The following GPHN variants were observed in gnomAD, a reference collection of about 807,000 sequenced individuals.
GPHN encodes the protein gephyrin.
Under a neutral mutation model 95.5 loss-of-function variants are expected in GPHN, and 17 were observed. The ratio of observed to expected loss-of-function variants is 0.18; its 90% confidence interval spans 0.12 to 0.27. The LOEUF is 0.27. GPHN is among the 10% of genes least tolerant of loss of function. GPHN has a pLI of 1.00. For missense variants in GPHN, 660 were observed against 978.1 expected (o/e 0.67, Z 4.34); for synonymous variants, 320 against 322.5 (o/e 0.99, Z 0.08).
intron 1 of GPHN, among the ~76,000 whole-genome samples, chr14:66,590,886 A>G (rs928421554): frequency 2.0e-5 from 3 of 152,216 alleles, no homozygotes; most frequent in African/African-American, 7.2e-5. Context: ...CCTGATATGA[A>G]CATCAATGCA....
At chr14:66,814,212 T>C (rs946306775) in intron 3 of GPHN, among the ~76,000 whole-genome samples, 3 of 151,926 alleles carry the variant, frequency 2.0e-5, no homozygotes, top group South Asian at 4.2e-4. Flanking sequence ...CAGCAGATCA[T>C]CCCACACCCT....
the GPHN span, among the ~76,000 whole-genome samples, chr14:67,583,126 TAA>T: frequency 6.6e-6 from 1 of 152,122 alleles, no homozygotes; most frequent in Non-Finnish European, 1.5e-5. Flanking sequence ...TAAAAATTTT[TAA>T]AAAAGAATAA....
At chr14:66,848,686 G>C (rs2062442767) in intron 4 of GPHN, among the ~76,000 whole-genome samples, 1 of 151,940 alleles carries the variant, frequency 6.6e-6, no homozygotes, top group Non-Finnish European at 1.5e-5. Flanking sequence ...GGTCATTTAG[G>C]AGAAGGAAAA....
Position 66,946,594 on chromosome 14 carries a change from C to T in GPHN, c.829-18597C>T, listed in dbSNP as rs534535694. Among the ~76,000 whole-genome samples the T allele has an allele frequency of 2.0e-4, 31 of 152,090 alleles. No homozygotes were observed. In the South Asian group the frequency reaches 4.8e-3, roughly 23 times the overall value. On this transcript the variant is annotated intron_variant, in intron 8 of 22. Transcript: ENST00000478722. ...CAGATTTTTGTATTATTAGTAGAGA[C>T]GGGGTTTCATATGTTGGCCAGGCTG...
chr14:67,708,428 A>G, the GPHN span, among the ~76,000 whole-genome samples: 3 of 152,166 alleles, frequency 2.0e-5, no homozygotes, highest in South Asian at 6.2e-4. Context: ...AACACCTGTT[A>G]GAGTTCTATA....
intron 9 of GPHN, among the ~76,000 whole-genome samples, chr14:66,976,914 G>GT (rs1383698589): frequency 3.2e-5 from 3 of 93,820 alleles, no homozygotes; most frequent in South Asian, 4.4e-4. Flanking sequence ...ACAGAAATAT[G>GT]TGGGGGGGGG....
chr14:66,723,034 A>T (rs1013061131), intron 2 of GPHN, among the ~76,000 whole-genome samples: 4 of 151,942 alleles, frequency 2.6e-5, no homozygotes, highest in African/African-American at 9.7e-5. Context: ...AATACTTTGC[A>T]TATAGGGTTT....
At chr14:66,683,361 TATATATATATATATATATGTTC>T (rs2067084234) in intron 2 of GPHN, among the ~76,000 whole-genome samples, 3 of 84,920 alleles carry the variant, frequency 3.5e-5, no homozygotes, top group Non-Finnish European at 6.4e-5. Flanking sequence ...TATATATATA[TATATATATATATATATATGTTC>T]ATATATATAT....
At chr14:67,365,598 T>C in the GPHN span, among the ~76,000 whole-genome samples, 1 of 152,256 alleles carries the variant, frequency 6.6e-6, no homozygotes, top group Non-Finnish European at 1.5e-5. Flanking sequence ...TGGATGCCTT[T>C]TCTGGGCCCC....
chr14:67,609,901 GGC>G, the GPHN span, among the ~76,000 whole-genome samples: 1 of 114,962 alleles, frequency 8.7e-6, no homozygotes, highest in African/African-American at 6.5e-5. Flanking sequence ...GTCTGCACAA[GGC>G]TCCTGTCCTG....
At chr14:67,468,852 A>G in the GPHN span, among the ~76,000 whole-genome samples, 1 of 152,028 alleles carries the variant, frequency 6.6e-6, no homozygotes, top group Non-Finnish European at 1.5e-5. Context: ...CTGGGATTGC[A>G]CCACTGCACT....
chr14:67,661,078 G>T, the GPHN span, among the ~76,000 whole-genome samples: 2 of 151,986 alleles, frequency 1.3e-5, no homozygotes, highest in Non-Finnish European at 2.9e-5. Flanking sequence ...TTGAAACACT[G>T]ATCTTCAACA....
chr14:66,856,338 A>G (rs1346894083), intron 4 of GPHN, among the ~76,000 whole-genome samples: 1 of 152,140 alleles, frequency 6.6e-6, no homozygotes, highest in African/African-American at 2.4e-5. Context: ...AATTTGTAGA[A>G]AATTCATATG....
rs112043586 is a variant in GPHN at position 66,573,638 on chromosome 14, G to A, written c.64+65047G>A. Among the ~76,000 whole-genome samples the A allele has an allele frequency of 3.5e-3, 534 of 152,066 alleles. 3 individuals are homozygous for A. The highest frequency in any genetic ancestry group is 0.012 in the African/African-American group (504 of 41,496). On this transcript the variant is annotated intron_variant, in intron 1 of 22. Coordinates refer to ENST00000478722, the MANE Select transcript of GPHN (RefSeq NM_020806.5). Reference sequence around the variant, plus strand: ...CGCACGGCTAATTTTTGTATTTTTGGTAGAGACGGGGTTTCACCATGTTGG... The same window carrying A: ...CGCACGGCTAATTTTTGTATTTTTGATAGAGACGGGGTTTCACCATGTTGG...
At chr14:67,065,808 C>CT (rs1449003046) in intron 11 of GPHN, among the ~76,000 whole-genome samples, 2 of 150,746 alleles carry the variant, frequency 1.3e-5, no homozygotes, top group Non-Finnish European at 2.9e-5. Context: ...TCCTCCATCC[C>CT]TTTATTTTGA....
the GPHN span, among the ~76,000 whole-genome samples, chr14:67,200,814 T>C: frequency 7.2e-5 from 11 of 152,328 alleles, 2 homozygotes; most frequent in African/African-American, 2.6e-4. Context: ...TAGTTACCTT[T>C]TGCACACTCT....
At chr14:67,146,375 G>A (rs2080897790) in intron 18 of GPHN, among the ~76,000 whole-genome samples, 1 of 152,172 alleles carries the variant, frequency 6.6e-6, no homozygotes, top group African/African-American at 2.4e-5. Flanking sequence ...CTGAAAGCTT[G>A]TTAAATAGTT....
intron 1 of GPHN, among the ~76,000 whole-genome samples, chr14:66,618,933 T>A (rs188527262): frequency 6.6e-6 from 1 of 152,352 alleles, no homozygotes; most frequent in Non-Finnish European, 1.5e-5. Flanking sequence ...TTCTCCCTTA[T>A]CTCCATCTAT....
intron 8 of GPHN, among the ~76,000 whole-genome samples, chr14:66,942,182 T>C (rs1418839826): frequency 6.6e-6 from 1 of 152,132 alleles, no homozygotes; most frequent in Non-Finnish European, 1.5e-5. Flanking sequence ...CAGCTAATTT[T>C]TGTATTTTTA....
Sources: allele counts gnomAD v4.1 joint callset (sites outside exome capture counted in the v4.1 genomes callset), GRCh38; gene constraint gnomAD v4.1.1; transcripts MANE v1.5; gene names NCBI Gene and HGNC (gene_info 2026-07-23, HGNC 2026-07-21).